Variants in MGAT4C observed in about 807,000 individuals in gnomAD.
The protein encoded by MGAT4C is alpha-1,3-mannosyl-glycoprotein 4-beta-N-acetylglucosaminyltransferase C.
In MGAT4C, 19 loss-of-function variants were observed where a neutral mutation model predicts 40.1. The ratio of observed to expected loss-of-function variants is 0.47; its 90% CI spans 0.33 to 0.70. The LOEUF (loss-of-function observed/expected upper bound fraction) is 0.70, where lower values mean the gene tolerates loss of function less well. Among genes scored for constraint, MGAT4C ranks in the 30% least tolerant of loss-of-function variants. MGAT4C has a pLI of 0.02. For missense variants in MGAT4C, 491 were observed against 563.2 expected, an observed-to-expected ratio of 0.87 and a Z score of 1.30; for synonymous variants, 181 against 187.1, an observed-to-expected ratio of 0.97 and a Z score of 0.27.
rs137972908 is a variant in MGAT4C at position 86,348,884 on chromosome 12, G to A, written c.-119-14757C>T. Among the ~76,000 whole-genome samples, 973 of 151,880 alleles carry A rather than the reference G, an allele frequency of 6.4e-3. 25 individuals are homozygous for A. The highest frequency in any genetic ancestry group is 0.051 in the Admixed American group (773 of 15,248). ...TTCCTCAATCTGGGAAATTAAAATT[G>A]CTCTATTAATAGATTTTATTTTAAA... is the stretch of plus-strand genomic sequence containing the variant. On this transcript the variant is annotated intron_variant, in intron 3 of 7. Coordinates refer to the MGAT4C transcript ENST00000548651.
chr12:86,321,120 A>C (rs1266385813), intron 4 of MGAT4C, among the ~76,000 whole-genome samples: 1 of 152,136 alleles, frequency 6.6e-6, no homozygotes, highest in Non-Finnish European at 1.5e-5. Flanking sequence ...CCTTTTTAAA[A>C]TTAAGGGTCT....
intron 4 of MGAT4C, among the ~76,000 whole-genome samples, chr12:86,332,358 T>C (rs1954688020): frequency 6.6e-6 from 1 of 151,592 alleles, no homozygotes; most frequent in Admixed American, 6.6e-5. Context: ...CACTCCATCA[T>C]GAAAATAATA....
At chr12:86,174,411 A>G (rs923462917) in intron 1 of MGAT4C, among the ~76,000 whole-genome samples, 6 of 152,114 alleles carry the variant, frequency 3.9e-5, no homozygotes, top group African/African-American at 1.4e-4. Context: ...TTGTTGTGTT[A>G]TGTGCAAAAT....
intron 1 of MGAT4C, among the ~76,000 whole-genome samples, chr12:86,107,130 G>A (rs1389128469): frequency 6.6e-6 from 1 of 152,156 alleles, no homozygotes; most frequent in Non-Finnish European, 1.5e-5. Context: ...CAGTAAATGT[G>A]TATCTTGAAA....
At chr12:86,492,464 C>G (rs148841916) in intron 2 of MGAT4C, among the ~76,000 whole-genome samples, 32 of 152,218 alleles carry the variant, frequency 2.1e-4, no homozygotes, top group African/African-American at 7.0e-4. Context: ...ATCAATGGAA[C>G]AGAACAGAGC....
intron 1 of MGAT4C, among the ~76,000 whole-genome samples, chr12:86,132,791 CAAAAAAA>C (rs60321690): frequency 1.3e-4 from 12 of 93,728 alleles, no homozygotes; most frequent in Middle Eastern, 6.6e-3. Context: ...GACTCCGTCT[CAAAAAAA>C]AAAAAAAAAA....
intron 2 of MGAT4C, among the ~76,000 whole-genome samples, chr12:86,480,084 A>G (rs1161527194): frequency 2.6e-5 from 4 of 151,868 alleles, no homozygotes; most frequent in Admixed American, 2.6e-4. Flanking sequence ...TGCTTCTATT[A>G]TGATTCAAAT....
rs1473054037 is a variant in MGAT4C, at chr12:85,960,951, C to G, written c.*18338G>C. 1.3e-5 allele frequency: 2 copies of G among 152,046 alleles called. No individual in the cohort carries two copies. Among genetic ancestry groups the G allele is most frequent in the South Asian group, 2.1e-4 (1 of 4,824 alleles). 9.4% of individuals were successfully genotyped at this position (152,046 alleles called of 1,614,324 possible). On this transcript the variant is annotated 3_prime_UTR_variant, in exon 5 of 5. Coordinates refer to ENST00000611864, the MANE Select transcript of MGAT4C (RefSeq NM_001351288.2). ...TAAATCATTGTATTCACATAACTTT[C>G]CAGGGCACTATGCATTTTTAAACAA...
Position 86,019,813 on chromosome 12 carries a change from C to G in MGAT4C, c.-7+29861G>C, listed in dbSNP as rs1889485894. Among the ~76,000 whole-genome samples the G allele has an allele frequency of 2.0e-5, 3 of 152,188 alleles. No homozygotes were observed. In the South Asian group the frequency reaches 6.2e-4, roughly 32 times the overall value. ...GCCATTTTCATGATACTGATTCTTC[C>G]TACCCATGAGCATGGAATGTTCTTC... On this transcript the variant is annotated intron_variant, in intron 2 of 4. Coordinates refer to ENST00000611864, the MANE Select transcript of MGAT4C (RefSeq NM_001351288.2).
chr12:86,831,850 T>C (rs1566021114), intron 1 of MGAT4C, among the ~76,000 whole-genome samples: 1 of 151,906 alleles, frequency 6.6e-6, no homozygotes, highest in South Asian at 2.1e-4. Flanking sequence ...TTTATTTACA[T>C]TGCTTGACTT....
intron 3 of MGAT4C, among the ~76,000 whole-genome samples, chr12:86,385,694 G>A (rs1181005867): frequency 1.3e-5 from 2 of 152,272 alleles, no homozygotes; most frequent in East Asian, 3.9e-4. Context: ...AGTTGAGCCT[G>A]TTCAACTGTT....
At chr12:86,324,620 A>G (rs1022623603) in intron 4 of MGAT4C, among the ~76,000 whole-genome samples, 1 of 152,034 alleles carries the variant, frequency 6.6e-6, no homozygotes, top group Non-Finnish European at 1.5e-5. Flanking sequence ...ACCATTTAGA[A>G]TATTCTAATT....
chr12:86,655,878 A>G (rs1963836076), intron 2 of MGAT4C, among the ~76,000 whole-genome samples: 1 of 152,064 alleles, frequency 6.6e-6, no homozygotes, highest in African/African-American at 2.4e-5. Context: ...AATGGCAGAA[A>G]AGCTCACACG....
At chr12:86,255,366 A>C (rs1364017801) in intron 1 of MGAT4C, among the ~76,000 whole-genome samples, 1 of 152,058 alleles carries the variant, frequency 6.6e-6, no homozygotes. Context: ...AGTCAATTGA[A>C]AGCTTTTAGT....
chr12:86,130,143 C>T (rs1196842149), intron 1 of MGAT4C, among the ~76,000 whole-genome samples: 1 of 152,122 alleles, frequency 6.6e-6, no homozygotes, highest in Non-Finnish European at 1.5e-5. Flanking sequence ...CAAAGGATAG[C>T]TGACACATGA....
chr12:86,176,282 C>T (rs1012344196), intron 1 of MGAT4C, among the ~76,000 whole-genome samples: 1 of 152,102 alleles, frequency 6.6e-6, no homozygotes, highest in African/African-American at 2.4e-5. Flanking sequence ...TCTGGAACAT[C>T]CTTTATTTCA....
intron 1 of MGAT4C, among the ~76,000 whole-genome samples, chr12:86,056,648 G>A (rs907045710): frequency 1.3e-5 from 2 of 152,116 alleles, no homozygotes; most frequent in African/African-American, 4.8e-5. Context: ...GGACATTTGG[G>A]CTGGTTCCAG....
upstream of MGAT4C, among the ~76,000 whole-genome samples, chr12:86,258,775 A>C (rs974965113): frequency 1.5e-4 from 23 of 152,204 alleles, no homozygotes; most frequent in Admixed American, 1.5e-3. Context: ...TTACATATGA[A>C]AATAATTTCA....
intron 2 of MGAT4C, among the ~76,000 whole-genome samples, chr12:86,452,809 T>G (rs1295851089): frequency 6.6e-6 from 1 of 152,122 alleles, no homozygotes; most frequent in Non-Finnish European, 1.5e-5. Flanking sequence ...AGTGGATTTA[T>G]TGTCAACTGT....
Sources: gnomAD v4.1 joint callset for allele counts (sites outside exome capture counted in the v4.1 genomes callset) on GRCh38, gnomAD v4.1.1 for gene constraint, MANE v1.5 for transcripts, NCBI Gene and HGNC (gene_info 2026-07-23, HGNC 2026-07-21) for gene names.